The following GRB2 variants were observed in gnomAD, a reference collection of about 807,000 sequenced individuals.
GRB2 encodes the protein growth factor receptor bound protein 2.
Under a neutral mutation model 27.4 loss-of-function variants are expected in GRB2, and 2 were observed. The observed-to-expected ratio is 0.07, with a 90% confidence interval of 0.03 to 0.23. The LOEUF is 0.23. Among genes scored for constraint, GRB2 ranks in the 10% least tolerant of loss-of-function variants. GRB2 has a pLI of 1.00. For missense variants in GRB2, 102 were observed against 282.4 expected (o/e 0.36, Z 4.58); for synonymous variants, 94 against 99.6 (o/e 0.94, Z 0.33).
intron 2 of GRB2, among the ~76,000 whole-genome samples, chr17:75,384,557 C>A (rs1393505221): frequency 6.6e-6 from 1 of 152,118 alleles, no homozygotes; most frequent in Non-Finnish European, 1.5e-5. Context: ...ATAATCCCAG[C>A]TACTCAAGAG....
chr17:75,397,004 C>A (rs951887245), intron 1 of GRB2, among the ~76,000 whole-genome samples: 1 of 152,170 alleles, frequency 6.6e-6, no homozygotes, highest in African/African-American at 2.4e-5. Flanking sequence ...GTTCTCAATA[C>A]CTGCTTTCCT....
chr17:75,387,961 ATCTTTTATAGGAAATGAAAGT>A (rs2078975382), intron 2 of GRB2, among the ~76,000 whole-genome samples: 1 of 152,192 alleles, frequency 6.6e-6, no homozygotes, highest in African/African-American at 2.4e-5. Flanking sequence ...CCCAAAAAGA[ATCTTTTATAGGAAATGAAAGT>A]TCATTCTCAG....
intron 3 of GRB2, among the ~76,000 whole-genome samples, chr17:75,327,568 A>C (rs1174058449): frequency 1.4e-5 from 2 of 145,188 alleles, no homozygotes; most frequent in Non-Finnish European, 3.0e-5. Context: ...ACGGGGTTTC[A>C]CCATATTGGC....
intron 2 of GRB2, among the ~76,000 whole-genome samples, chr17:75,366,621 ACATGGCAAAACC>A (rs1023325098): frequency 6.6e-6 from 1 of 152,062 alleles, no homozygotes; most frequent in Non-Finnish European, 1.5e-5. Context: ...CACCTGGGCA[ACATGGCAAAACC>A]CCATCTCCAC....
chr17:75,353,687 G>A (rs1323955846), intron 2 of GRB2, among the ~76,000 whole-genome samples: 5 of 151,816 alleles, frequency 3.3e-5, no homozygotes, highest in Admixed American at 1.3e-4. Flanking sequence ...TTGAACCTGG[G>A]AGGCAGAGGT....
chr17:75,386,683 GACT>G (rs1244481570), intron 2 of GRB2, among the ~76,000 whole-genome samples: 11 of 152,164 alleles, frequency 7.2e-5, no homozygotes, highest in African/African-American at 2.7e-4. Flanking sequence ...AACAAAGCAA[GACT>G]ACTGATACCC....
intron 2 of GRB2, among the ~76,000 whole-genome samples, chr17:75,379,370 A>C (rs1274050981): frequency 6.7e-6 from 1 of 149,224 alleles, no homozygotes; most frequent in Non-Finnish European, 1.5e-5. Flanking sequence ...AAATTTTAAA[A>C]GAATTAAATA....
At chr17:75,332,566 C>T in intron 3 of GRB2, 134 bp downstream of exon 3, 4 of 630,226 alleles carry the variant, frequency 6.3e-6, no homozygotes, top group Non-Finnish European at 1.1e-5. Flanking sequence ...CATGCACAAT[C>T]AATATCCTTT....
At chr17:75,386,035 T>A (rs56259813) in intron 2 of GRB2, among the ~76,000 whole-genome samples, 8,521 of 152,168 alleles carry the variant, frequency 0.056, 281 homozygotes, top group Middle Eastern at 0.092. Flanking sequence ...CAGAAAAAAA[T>A]TTTTCTAGGT....
At chr17:75,370,043 G>A (rs1215397516) in intron 2 of GRB2, among the ~76,000 whole-genome samples, 1 of 152,196 alleles carries the variant, frequency 6.6e-6, no homozygotes, top group East Asian at 1.9e-4. Context: ...CTCAATGAAT[G>A]AATGCTTAAA....
chr17:75,369,309 G>A (rs2078840530), intron 2 of GRB2, among the ~76,000 whole-genome samples: 2 of 152,086 alleles, frequency 1.3e-5, no homozygotes, highest in Admixed American at 6.5e-5. Context: ...CAAAAGTAAC[G>A]TATTTAAATG....
chr17:75,385,957 T>C (rs2078961239), intron 2 of GRB2, among the ~76,000 whole-genome samples: 1 of 152,178 alleles, frequency 6.6e-6, no homozygotes, highest in Admixed American at 6.6e-5. Context: ...TTTCATGAAC[T>C]GGAAGGTGCA....
At chr17:75,395,931 C>A (rs1362550869) in intron 1 of GRB2, among the ~76,000 whole-genome samples, 1 of 151,720 alleles carries the variant, frequency 6.6e-6, no homozygotes, top group Non-Finnish European at 1.5e-5. Context: ...CAACCTCCAC[C>A]TCCCAGGTTC....
At chr17:75,336,480 T>C (rs2078577649) in intron 2 of GRB2, among the ~76,000 whole-genome samples, 1 of 152,160 alleles carries the variant, frequency 6.6e-6, no homozygotes, top group Non-Finnish European at 1.5e-5. Flanking sequence ...CCAATAACTT[T>C]GCAGAAAAAG....
At chr17:75,324,232 C>T (rs1049379802) in intron 4 of GRB2, among the ~76,000 whole-genome samples, 1 of 152,066 alleles carries the variant, frequency 6.6e-6, no homozygotes, top group African/African-American at 2.4e-5. Flanking sequence ...CACAGTCTTA[C>T]TCTGTCACTC....
intron 2 of GRB2, among the ~76,000 whole-genome samples, chr17:75,340,398 T>C (rs960925107): frequency 2.0e-5 from 3 of 152,246 alleles, no homozygotes; most frequent in South Asian, 4.1e-4. Flanking sequence ...AGTCTAACTC[T>C]TGAGTATCAC....
At chr17:75,326,915 T>G (rs1247377853) in intron 3 of GRB2, among the ~76,000 whole-genome samples, 1 of 152,178 alleles carries the variant, frequency 6.6e-6, no homozygotes, top group Non-Finnish European at 1.5e-5. Flanking sequence ...TTCTCAAAAT[T>G]GTCTTTAGTT....
intron 2 of GRB2, among the ~76,000 whole-genome samples, chr17:75,376,344 C>CAAA (rs71159502): frequency 0.51 from 38,051 of 74,200 alleles, 11,681 homozygotes; most frequent in East Asian, 0.81. Context: ...GACTCTGTCT[C>CAAA]AAAAAAAAAA....
chr17:75,358,724 A>C (rs1386992936), intron 2 of GRB2, among the ~76,000 whole-genome samples: 12 of 146,054 alleles, frequency 8.2e-5, no homozygotes, highest in Admixed American at 1.4e-4. Context: ...AAAAAAAAAA[A>C]AACAAAAAAT....
Sources: allele counts gnomAD v4.1 joint callset (sites outside exome capture counted in the v4.1 genomes callset), GRCh38; gene constraint gnomAD v4.1.1; transcripts MANE v1.5; gene names NCBI Gene and HGNC (gene_info 2026-07-23, HGNC 2026-07-21).